CFAP95: variants seen among roughly 807,000 people sequenced by gnomAD.
The protein encoded by CFAP95 is cilia and flagella associated protein 95.
At chr9:69,835,954 C>T in the CFAP95 span, among the ~76,000 whole-genome samples, 1 of 152,194 alleles carries the variant, frequency 6.6e-6, no homozygotes, top group Non-Finnish European at 1.5e-5. Flanking sequence ...GAGCTGGGCC[C>T]TCTGGCTTGG....
the CFAP95 span, among the ~76,000 whole-genome samples, chr9:69,847,154 T>G: frequency 3.3e-5 from 5 of 152,164 alleles, no homozygotes; most frequent in African/African-American, 1.2e-4. Flanking sequence ...AAGACTTTTA[T>G]TAAACAAAAG....
At chr9:69,852,917 T>C in the CFAP95 span, among the ~76,000 whole-genome samples, 2 of 152,200 alleles carry the variant, frequency 1.3e-5, no homozygotes, top group Admixed American at 1.3e-4. Context: ...CCATGTAAGA[T>C]GTGACTTGCT....
the CFAP95 span, among the ~76,000 whole-genome samples, chr9:69,864,893 C>A: frequency 6.6e-6 from 1 of 152,126 alleles, no homozygotes. Flanking sequence ...TAAAATATTA[C>A]CCAGTTGTTG....
At chr9:69,876,054 T>G in the CFAP95 span, among the ~76,000 whole-genome samples, 2 of 152,212 alleles carry the variant, frequency 1.3e-5, no homozygotes, top group African/African-American at 4.8e-5. Context: ...TACTCAGAAT[T>G]GTTGGGTAAT....
the CFAP95 span, among the ~76,000 whole-genome samples, chr9:69,881,508 G>A: frequency 6.6e-6 from 1 of 152,208 alleles, no homozygotes; most frequent in East Asian, 1.9e-4. Flanking sequence ...TCTGTATTCT[G>A]TTCCATTGGT....
chr9:69,833,476 A>G, the CFAP95 span, among the ~76,000 whole-genome samples: 1 of 152,330 alleles, frequency 6.6e-6, no homozygotes, highest in East Asian at 1.9e-4. Context: ...TGCTGGGATT[A>G]CGGTGTGAGC....
chr9:69,865,190 C>T, the CFAP95 span, among the ~76,000 whole-genome samples: 2 of 152,170 alleles, frequency 1.3e-5, no homozygotes, highest in Non-Finnish European at 2.9e-5. Flanking sequence ...TAAAGAGGTG[C>T]CTTCCACCAT....
the CFAP95 span, among the ~76,000 whole-genome samples, chr9:69,843,594 CT>C: frequency 8.0e-4 from 57 of 71,186 alleles, 1 homozygote; most frequent in African/African-American, 4.1e-3. Flanking sequence ...TCTTCTTCTT[CT>C]TCTTCTTCTT....
the CFAP95 span, among the ~76,000 whole-genome samples, chr9:69,890,967 C>T: frequency 6.6e-6 from 1 of 152,246 alleles, no homozygotes; most frequent in African/African-American, 2.4e-5. Context: ...TGAACTTCTC[C>T]TCTTAAACTG....
chr9:69,903,876 G>T, the CFAP95 span, among the ~76,000 whole-genome samples: 272 of 152,184 alleles, frequency 1.8e-3, 1 homozygote, highest in African/African-American at 6.3e-3. Context: ...ACAAGAACGT[G>T]TCATCATGCC....
At chr9:69,834,825 A>G in the CFAP95 span, among the ~76,000 whole-genome samples, 1 of 152,256 alleles carries the variant, frequency 6.6e-6, no homozygotes, top group Non-Finnish European at 1.5e-5. Context: ...TGAGACACAT[A>G]GAAAAACAAA....
the CFAP95 span, among the ~76,000 whole-genome samples, chr9:69,883,279 G>A: frequency 1.4e-4 from 21 of 152,146 alleles, no homozygotes; most frequent in Non-Finnish European, 1.5e-5. Context: ...AAAGGTTCAG[G>A]GCTAGAGAAC....
the CFAP95 span, among the ~76,000 whole-genome samples, chr9:69,899,982 T>TC: frequency 6.6e-6 from 1 of 152,240 alleles, no homozygotes; most frequent in Non-Finnish European, 1.5e-5. Flanking sequence ...TGAGTACAAC[T>TC]ATACAGGTGG....
the CFAP95 span, among the ~76,000 whole-genome samples, chr9:69,832,443 T>A: frequency 6.6e-6 from 1 of 152,170 alleles, no homozygotes; most frequent in South Asian, 2.1e-4. Context: ...TCTTGCTCCT[T>A]GTCTCAGCCC....
the CFAP95 span, among the ~76,000 whole-genome samples, chr9:69,837,612 T>C: frequency 6.6e-6 from 1 of 152,200 alleles, no homozygotes; most frequent in Non-Finnish European, 1.5e-5. Flanking sequence ...TTGGAGTTCA[T>C]TGTAGATTCT....
At chr9:69,840,138 G>A in the CFAP95 span, among the ~76,000 whole-genome samples, 1 of 151,216 alleles carries the variant, frequency 6.6e-6, no homozygotes, top group African/African-American at 2.4e-5. Context: ...GAATTTGAAA[G>A]TTACTGCTCT....
chr9:69,890,877 G>A, the CFAP95 span, among the ~76,000 whole-genome samples: 1 of 152,152 alleles, frequency 6.6e-6, no homozygotes, highest in South Asian at 2.1e-4. Flanking sequence ...CTAAGCATTG[G>A]TAAAGAAATA....
the CFAP95 span, among the ~76,000 whole-genome samples, chr9:69,832,619 G>GTTTTTTTTTT: frequency 7.1e-5 from 1 of 14,126 alleles, no homozygotes; most frequent in Non-Finnish European, 1.4e-4. Context: ...AGTCTATTCG[G>GTTTTTTTTTT]ATTTTTTTTT....
the CFAP95 span, among the ~76,000 whole-genome samples, chr9:69,895,367 C>CTGTGTGTGTGTG: frequency 7.4e-4 from 82 of 111,272 alleles, no homozygotes; most frequent in Middle Eastern, 0.015. Context: ...CTCTCTCTCT[C>CTGTGTGTGTGTG]TCTGTGTGTG....
Sources: gnomAD v4.1 joint callset for allele counts (sites outside exome capture counted in the v4.1 genomes callset) on GRCh38, gnomAD v4.1.1 for gene constraint, MANE v1.5 for transcripts, NCBI Gene and HGNC (gene_info 2026-07-23, HGNC 2026-07-21) for gene names.